Variants in MARCHF10 observed in about 807,000 individuals in gnomAD.
The protein encoded by MARCHF10 is membrane associated ring-CH-type finger 10.
Under a neutral mutation model 76.2 loss-of-function variants are expected in MARCHF10, and 64 were observed. The ratio of observed to expected loss-of-function variants is 0.84; its 90% CI spans 0.69 to 1.03. The LOEUF (loss-of-function observed/expected upper bound fraction) is 1.03, where lower values mean the gene tolerates loss of function less well. Among genes scored for constraint, MARCHF10 ranks in the 50% least tolerant of loss-of-function variants. The pLI is 0.00. For missense variants in MARCHF10, 875 were observed against 958.0 expected (o/e 0.91, Z 1.14); for synonymous variants, 340 against 357.5 (o/e 0.95, Z 0.55).
rs2147701701 is a variant in MARCHF10, at chr17:62,722,604, T to C, written c.2105-7A>G. 1 of 1,609,748 alleles carries C rather than the reference T, an allele frequency of 6.2e-7. No homozygotes were observed. The highest frequency in any genetic ancestry group is 2.2e-5 in the East Asian group (1 of 44,862). ...ACGGCACCAAGATCTGCTCCTTAAA[T>C]TGGATAAAGAATTATATGTACATAT... On this transcript the variant is annotated splice_polypyrimidine_tract_variant and splice_region_variant and intron_variant, in intron 7 of 10. Transcript: ENST00000311269.
chr17:62,715,610 A>G (rs2147638284), intron 8 of MARCHF10, among the ~76,000 whole-genome samples: 1 of 152,304 alleles, frequency 6.6e-6, no homozygotes, highest in South Asian at 2.1e-4. Flanking sequence ...GGCTTGCCTC[A>G]CACACAGCAC....
intron 3 of MARCHF10, among the ~76,000 whole-genome samples, chr17:62,768,566 G>T (rs1365555411): frequency 6.6e-6 from 1 of 152,162 alleles, no homozygotes; most frequent in African/African-American, 2.4e-5. Flanking sequence ...ATACCTTGCA[G>T]CAATAGATAC....
chr17:62,760,838 G>C (rs2092181651), intron 3 of MARCHF10, among the ~76,000 whole-genome samples: 1 of 152,208 alleles, frequency 6.6e-6, no homozygotes, highest in South Asian at 2.1e-4. Context: ...CCGACCCTGG[G>C]GGGTCGTTGC....
chr17:62,773,340 G>T (rs752485926), intron 3 of MARCHF10, among the ~76,000 whole-genome samples: 2 of 152,302 alleles, frequency 1.3e-5, no homozygotes, highest in African/African-American at 4.8e-5. Context: ...GACCCGCTGC[G>T]TGCAGAGACG....
chr17:62,781,934 G>C (rs768106599), intron 3 of MARCHF10, among the ~76,000 whole-genome samples: 19 of 152,196 alleles, frequency 1.2e-4, no homozygotes, highest in Non-Finnish European at 7.3e-5. Flanking sequence ...CACTCAATCA[G>C]AGAAGGAACC....
chr17:62,802,364 C>T (rs1598090007), intron 1 of MARCHF10, among the ~76,000 whole-genome samples: 2 of 152,042 alleles, frequency 1.3e-5, no homozygotes, highest in African/African-American at 4.8e-5. Flanking sequence ...GGATTACAGG[C>T]ACCTGCCACC....
chr17:62,805,189 C>G (rs2093144261), intron 1 of MARCHF10: 1 of 152,204 alleles, frequency 6.6e-6, no homozygotes, highest in Non-Finnish European at 1.5e-5. Context: ...CATTTTGTCT[C>G]TAAGCATTTT....
At chr17:62,780,979 C>T (rs1319383977) in intron 3 of MARCHF10, 1 of 152,202 alleles carries the variant, frequency 6.6e-6, no homozygotes, top group Non-Finnish European at 1.5e-5. Context: ...TCCTCTGGGC[C>T]AGCAGCGGTC....
chr17:62,705,674 A>T, intron 9 of MARCHF10, 93 bp from the exon 10 acceptor site: 3 of 1,477,556 alleles, frequency 2.0e-6, no homozygotes, highest in Non-Finnish European at 1.9e-6. Flanking sequence ...CGTTCTAGGA[A>T]TCCCTTACAC....
chr17:62,743,484 A>T (rs2091590027), intron 5 of MARCHF10, among the ~76,000 whole-genome samples: 2 of 151,926 alleles, frequency 1.3e-5, no homozygotes, highest in African/African-American at 4.8e-5. Context: ...CTCTACCAAG[A>T]TACAAAAAAT....
At chr17:62,771,551 C>T (rs1463840820) in intron 3 of MARCHF10, among the ~76,000 whole-genome samples, 1 of 150,528 alleles carries the variant, frequency 6.6e-6, no homozygotes, top group Non-Finnish European at 1.5e-5. Context: ...ATAAAATGGA[C>T]TGAGCTCTGC....
At chr17:62,710,133 T>C (rs1354574410) in intron 9 of MARCHF10, among the ~76,000 whole-genome samples, 1 of 152,242 alleles carries the variant, frequency 6.6e-6, no homozygotes, top group Non-Finnish European at 1.5e-5. Context: ...TCGTTTGTCA[T>C]GTTTGCTTTG....
chr17:62,762,294 T>C (rs552800708), intron 3 of MARCHF10, among the ~76,000 whole-genome samples: 2 of 152,328 alleles, frequency 1.3e-5, no homozygotes, highest in South Asian at 2.1e-4. Context: ...TGAGCCTACA[T>C]TGTGAATACA....
chr17:62,705,680 T>C lies in MARCHF10; in HGVS notation c.2329-99A>G, dbSNP rs891500825. 9.7e-6 allele frequency: 14 copies of C among 1,436,644 alleles called. No homozygotes were observed. The African/African-American group carries it at 1.7e-4, about 17-fold the overall frequency. 89.0% of individuals were successfully genotyped at this position (1,436,644 alleles called of 1,614,324 possible). On this transcript the variant is annotated intron_variant, in intron 9 of 10. Transcript: ENST00000311269. Reference sequence around the variant, plus strand: ...TCGCAGCAACGTTCTAGGAATCCCTTACACCACTTTAAAGGGGCAGGAAAA... The same window carrying C: ...TCGCAGCAACGTTCTAGGAATCCCTCACACCACTTTAAAGGGGCAGGAAAA...
In MARCHF10 at chr17:62,725,105, CTAAA is replaced by C. The variant is rs775517591; in HGVS notation, c.1938-5_1938-2del. The C allele has an allele frequency of 1.8e-5, 29 of 1,578,740 alleles. No homozygotes were observed. The highest frequency in any genetic ancestry group is 1.7e-4 in the Middle Eastern group (1 of 5,806). On this transcript the variant is annotated splice_acceptor_variant and splice_polypyrimidine_tract_variant and intron_variant, in intron 6 of 10. Transcript: ENST00000311269. LOFTEE classifies it high-confidence loss of function. Reference sequence around the variant, plus strand: ...CTCCTCGGAGTCCTCCTCCAGGAGACTAAATGTGAAAACAAGCCCTCGTGACCAG... The same window carrying C: ...CTCCTCGGAGTCCTCCTCCAGGAGACTGTGAAAACAAGCCCTCGTGACCAG...
chr17:62,759,792 C>T (rs1035843701), intron 4 of MARCHF10, 43 bp downstream of exon 4: 26 of 1,591,792 alleles, frequency 1.6e-5, no homozygotes, highest in Middle Eastern at 1.7e-4. Context: ...TTTTTAATAC[C>T]GGGATTTTAG....
chr17:62,761,601 T>C (rs1169264504), intron 3 of MARCHF10, among the ~76,000 whole-genome samples: 1 of 152,138 alleles, frequency 6.6e-6, no homozygotes, highest in Non-Finnish European at 1.5e-5. Flanking sequence ...TTTGTATTTT[T>C]AGTAGAGACG....
chr17:62,796,437 T>C (rs569346341), intron 2 of MARCHF10, among the ~76,000 whole-genome samples: 9 of 152,380 alleles, frequency 5.9e-5, no homozygotes, highest in African/African-American at 1.9e-4. Flanking sequence ...CAATGATATT[T>C]AGAACATCTT....
intron 5 of MARCHF10, among the ~76,000 whole-genome samples, chr17:62,740,049 AGTGTGT>A (rs112894135): frequency 0.043 from 6,261 of 145,384 alleles, 172 homozygotes; most frequent in Middle Eastern, 0.064. Context: ...GCTTCTCTGC[AGTGTGT>A]GTGTGTGTGT....
Sources: gnomAD v4.1 joint callset for allele counts (sites outside exome capture counted in the v4.1 genomes callset) on GRCh38, gnomAD v4.1.1 for gene constraint, MANE v1.5 for transcripts, NCBI Gene and HGNC (gene_info 2026-07-23, HGNC 2026-07-21) for gene names.